URGCP: variants seen among roughly 807,000 people sequenced by gnomAD.
URGCP encodes the protein up-regulator of cell proliferation.
In URGCP, 13 loss-of-function variants were observed where a neutral mutation model predicts 24.6. That is an observed-to-expected ratio of 0.53 (90% CI 0.34 to 0.84). The LOEUF is 0.84. Ranked by LOEUF, URGCP falls within the 40% of genes least tolerant of loss-of-function variation. URGCP has a pLI of 0.01. For synonymous variants in URGCP, 444 were observed against 487.2 expected (o/e 0.91, Z 1.17); for missense variants, 899 against 1,194.3 (o/e 0.75, Z 3.64).
chr7:43,899,669 C>A (rs2730621), intron 1 of URGCP, among the ~76,000 whole-genome samples: 59,120 of 151,888 alleles, frequency 0.39, 11,794 homozygotes, highest in South Asian at 0.58. Flanking sequence ...CAAATGCAGT[C>A]AAAAATTTCA....
intron 1 of URGCP, chr7:43,919,375 C>T: frequency 1.2e-6 from 1 of 856,182 alleles, no homozygotes; most frequent in African/African-American, 1.6e-5. Context: ...CCATCCTTCT[C>T]TCAGACCAAC....
chr7:43,881,143 A>G (rs1192923027), intron 5 of URGCP: 3 of 698,028 alleles, frequency 4.3e-6, no homozygotes, highest in Admixed American at 4.1e-5. Context: ...TTTCTTGTCC[A>G]GACATGGAAT....
intron 1 of URGCP, among the ~76,000 whole-genome samples, chr7:43,917,848 C>T (rs1276366366): frequency 6.6e-6 from 1 of 151,966 alleles, no homozygotes; most frequent in Non-Finnish European, 1.5e-5. Context: ...CATGTAGTCC[C>T]AGCTACCCAG....
chr7:43,907,078 A>AGTGGCC (rs1195653362), upstream of URGCP: 2 of 152,260 alleles, frequency 1.3e-5, no homozygotes, highest in African/African-American at 4.8e-5. Flanking sequence ...ATGTGTATAA[A>AGTGGCC]GTGGCCTTGT....
chr7:43,921,897 TC>T (rs1407323952), intron 1 of URGCP, among the ~76,000 whole-genome samples: 2 of 152,082 alleles, frequency 1.3e-5, no homozygotes, highest in Admixed American at 1.3e-4. Context: ...GTTTTCTTTT[TC>T]TTTTTTTTTT....
rs41279597 is a variant in URGCP at position 43,881,662 on chromosome 7, T to C, written c.199A>G (p.Thr67Ala). The C allele has an allele frequency of 0.025, 40,411 of 1,613,986 alleles. 626 individuals are homozygous for C. The highest frequency in any genetic ancestry group is 0.028 in the Non-Finnish European group (33,352 of 1,179,956). ...AAAAGGCAGAGAAAATGCTTACCTGTTGGAAAATCATTGTCCTGAGCCTCA... is the reference window on the plus strand; with the variant it reads ...AAAAGGCAGAGAAAATGCTTACCTGCTGGAAAATCATTGTCCTGAGCCTCA... ...TNEAQDNDFPTVERSRLQEML... is the reference protein window; with the variant it reads ...TNEAQDNDFPAVERSRLQEML... The change falls in exon 5 of 6, where the codon ACA becomes GCA. Residue 67 changes from threonine to alanine, a missense_variant. Transcript: ENST00000453200.
rs1241253909 is a variant in URGCP at position 43,878,372 on chromosome 7, T to C, written c.1091A>G (p.Asn364Ser). The C allele has an allele frequency of 6.2e-7, 1 of 1,614,228 alleles. No individual in the cohort carries two copies. The highest frequency in any genetic ancestry group is 1.7e-5 in the Admixed American group (1 of 60,022). Residue 364 changes from asparagine to serine, a missense_variant, in exon 6 of 6, where the codon AAT (asparagine) becomes AGT (serine). Asn to Ser is a conservative substitution (Grantham distance 46). Coordinates refer to ENST00000453200, the MANE Select transcript of URGCP (RefSeq NM_001077663.3). The surrounding 1 kb of genome is among the most constrained non-coding windows in gnomAD (Gnocchi z 5.6). Reference sequence around the variant, plus strand: ...CAATTTGTATTCCTTCTTACTGATATTGTCAGTCAATATAAACACAGCGGA... The same window carrying C: ...CAATTTGTATTCCTTCTTACTGATACTGTCAGTCAATATAAACACAGCGGA... ...ISSAVFILTD[N>S]ISKKEYKLLY...
intron 1 of URGCP, chr7:43,888,894 T>G (rs568278576): frequency 6.6e-6 from 1 of 152,286 alleles, no homozygotes; most frequent in Admixed American, 6.5e-5. Flanking sequence ...ACGGACTCCT[T>G]GGAGATCCTG....
At chr7:43,901,304 G>A (rs2095890237) in intron 1 of URGCP, among the ~76,000 whole-genome samples, 1 of 152,186 alleles carries the variant, frequency 6.6e-6, no homozygotes, top group Non-Finnish European at 1.5e-5. Context: ...AGAGGTCAAC[G>A]GCATGGCTGT....
chr7:43,882,586 C>T (rs570479911), intron 3 of URGCP, among the ~76,000 whole-genome samples: 2 of 150,644 alleles, frequency 1.3e-5, no homozygotes, highest in Non-Finnish European at 3.0e-5. Context: ...CCAGCGTGGG[C>T]ATCAGAGCAA....
At position 43,891,868 on chromosome 7, in the gene URGCP, C is replaced by T. The variant is rs544556655; in HGVS notation, c.15-4052G>A. 7.1e-4 allele frequency among the ~76,000 whole-genome samples: 108 copies of T among 151,804 alleles called. 1 individual carries two copies. The highest frequency in any genetic ancestry group is 2.6e-3 in the Admixed American group (39 of 15,254). ...CGCCATCTCGGCTCACTGTAACCTACGCCCCCAGGTTCAAGCAATTCTCCT... is the reference window on the plus strand; with the variant it reads ...CGCCATCTCGGCTCACTGTAACCTATGCCCCCAGGTTCAAGCAATTCTCCT... On this transcript the variant is annotated intron_variant, in intron 1 of 5. Coordinates refer to ENST00000453200, the MANE Select transcript of URGCP (RefSeq NM_001077663.3).
At chr7:43,924,938 T>C (rs1163756882) in intron 1 of URGCP, among the ~76,000 whole-genome samples, 1 of 152,104 alleles carries the variant, frequency 6.6e-6, no homozygotes, top group African/African-American at 2.4e-5. Flanking sequence ...TTTGTATTTT[T>C]TGTAGAGACG....
intron 1 of URGCP, among the ~76,000 whole-genome samples, chr7:43,893,843 C>T (rs931192143): frequency 6.6e-6 from 1 of 152,062 alleles, no homozygotes; most frequent in African/African-American, 2.4e-5. Flanking sequence ...TGCACTCCAG[C>T]CTGGGTGACA....
chr7:43,925,798 CTTTTT>C (rs60736722), intron 1 of URGCP, among the ~76,000 whole-genome samples: 6 of 116,544 alleles, frequency 5.1e-5, no homozygotes, highest in Admixed American at 9.5e-5. Flanking sequence ...CCTCGTCTGG[CTTTTT>C]TTTTTTTTTT....
At chr7:43,911,387 G>A (rs1017267421), upstream of URGCP, among the ~76,000 whole-genome samples, 13 of 151,178 alleles carry the variant, frequency 8.6e-5, no homozygotes, top group African/African-American at 3.2e-4. Flanking sequence ...GTGACAGAGC[G>A]AGACTCCATC....
intron 2 of URGCP, 83 bp from the exon 3 acceptor site, chr7:43,887,568 T>C (rs2095864018): frequency 1.9e-6 from 3 of 1,539,672 alleles, no homozygotes; most frequent in Non-Finnish European, 2.6e-6. Flanking sequence ...ATAAAATCTC[T>C]TGGAGAGCTT....
chr7:43,926,391 C>T (rs2095930497), exon 1 of URGCP: 1 of 592,804 alleles, frequency 1.7e-6, no homozygotes, highest in Non-Finnish European at 2.3e-6. Flanking sequence ...GCTCGGCACG[C>T]GGCGACGACG....
intron 1 of URGCP, chr7:43,889,723 C>T (rs1016141371): frequency 1.3e-5 from 2 of 152,260 alleles, no homozygotes; most frequent in Non-Finnish European, 2.9e-5. Context: ...AGTGCTTTCG[C>T]ACGCCCCAAT....
chr7:43,889,696 T>G (rs568273715), intron 1 of URGCP: 1 of 152,250 alleles, frequency 6.6e-6, no homozygotes, highest in African/African-American at 2.4e-5. Flanking sequence ...GCCCATTCTG[T>G]TAACAGATAG....
Sources: gnomAD v4.1 joint callset for allele counts (sites outside exome capture counted in the v4.1 genomes callset) on GRCh38, gnomAD v4.1.1 for gene constraint, Gnocchi (gnomAD v3.1) non-coding constraint, MANE v1.5 for transcripts, NCBI Gene and HGNC (gene_info 2026-07-23, HGNC 2026-07-21) for gene names.